PCNX1: variants seen among roughly 807,000 people sequenced by gnomAD.
PCNX1 encodes the protein pecanex 1.
Under a neutral mutation model 242.2 loss-of-function variants are expected in PCNX1, and 78 were observed. The observed-to-expected ratio is 0.32, with a 90% CI of 0.27 to 0.39. The LOEUF (loss-of-function observed/expected upper bound fraction) is 0.39, where lower values mean the gene tolerates loss of function less well. PCNX1 is among the 10% of genes least tolerant of loss of function. PCNX1 has a pLI of 1.00. For synonymous variants in PCNX1, 1,024 were observed against 1,032.9 expected (o/e 0.99, Z 0.17); for missense variants, 2,581 against 2,856.5 (o/e 0.90, Z 2.20).
chr14:71,031,308 A>G (rs17108917), intron 16 of PCNX1, among the ~76,000 whole-genome samples: 10,677 of 152,244 alleles, frequency 0.07, 495 homozygotes, highest in East Asian at 0.27. Flanking sequence ...CCTTCCTAGC[A>G]CTTGGTGTGG....
intron 8 of PCNX1, among the ~76,000 whole-genome samples, chr14:71,002,442 A>G (rs1304960021): frequency 1.3e-5 from 2 of 152,198 alleles, no homozygotes; most frequent in African/African-American, 4.8e-5. Flanking sequence ...ACAGATGTGT[A>G]TACCCGTCAG....
At chr14:71,050,801 A>G in intron 23 of PCNX1, 41 bp downstream of exon 23, 1 of 1,568,380 alleles carries the variant, frequency 6.4e-7, no homozygotes, top group Non-Finnish European at 8.7e-7. Flanking sequence ...GGACAGTCAT[A>G]TCCTAGATAA....
intron 1 of PCNX1, among the ~76,000 whole-genome samples, chr14:70,935,973 T>C (rs1208274297): frequency 6.6e-6 from 1 of 152,196 alleles, no homozygotes; most frequent in Admixed American, 6.5e-5. Context: ...TTAAATTCTC[T>C]GAGATGTATA....
At chr14:71,014,240 A>G (rs2059899799) in intron 11 of PCNX1, among the ~76,000 whole-genome samples, 1 of 152,216 alleles carries the variant, frequency 6.6e-6, no homozygotes, top group African/African-American at 2.4e-5. Context: ...CCTAACAAGT[A>G]ATAAAACCAA....
At chr14:71,038,910 A>G (rs992160759) in intron 19 of PCNX1, among the ~76,000 whole-genome samples, 111 of 151,588 alleles carry the variant, frequency 7.3e-4, no homozygotes, top group African/African-American at 2.6e-3. Context: ...TGATGAGTTC[A>G]TGTCCTTTGT....
intron 28 of PCNX1, chr14:71,085,711 A>G: frequency 8.6e-6 from 2 of 233,532 alleles, no homozygotes; most frequent in East Asian, 1.1e-4. Context: ...CTACTTTTGG[A>G]TAGGTGTCAT....
chr14:71,104,982 G>A (rs2062570932), intron 32 of PCNX1, among the ~76,000 whole-genome samples: 1 of 152,110 alleles, frequency 6.6e-6, no homozygotes, highest in Non-Finnish European at 1.5e-5. Flanking sequence ...GTTATATACA[G>A]TTCTTTATTA....
At chr14:71,073,884 CT>C (rs1038839550) in intron 27 of PCNX1, 86 bp downstream of exon 27, 156 of 927,880 alleles carry the variant, frequency 1.7e-4, no homozygotes, top group Middle Eastern at 3.8e-4. Context: ...TATGTATATA[CT>C]TTTTTTTAAC....
chr14:71,051,590 A>T (rs1217548540), intron 23 of PCNX1, among the ~76,000 whole-genome samples: 1 of 152,180 alleles, frequency 6.6e-6, no homozygotes, highest in Non-Finnish European at 1.5e-5. Context: ...CCCTTGTGGA[A>T]AATTGAACTC....
chr14:71,107,465 G>A (rs559430554), intron 33 of PCNX1, among the ~76,000 whole-genome samples: 5 of 152,130 alleles, frequency 3.3e-5, no homozygotes, highest in Admixed American at 2.6e-4. Flanking sequence ...AAAACTTTCA[G>A]TGTTCTTTAA....
chr14:70,936,191 C>T (rs141341688), intron 1 of PCNX1, among the ~76,000 whole-genome samples: 5,268 of 152,044 alleles, frequency 0.035, 284 homozygotes, highest in African/African-American at 0.12. Context: ...GCAGCTTTGT[C>T]ACATATGTAT....
intron 1 of PCNX1, among the ~76,000 whole-genome samples, chr14:70,911,833 G>C (rs752905646): frequency 6.6e-6 from 1 of 152,130 alleles, no homozygotes; most frequent in Non-Finnish European, 1.5e-5. Flanking sequence ...CTATAATGCT[G>C]TATGACTGTA....
At chr14:71,096,689 T>G (rs2062292882) in intron 30 of PCNX1, among the ~76,000 whole-genome samples, 1 of 152,130 alleles carries the variant, frequency 6.6e-6, no homozygotes, top group Admixed American at 6.6e-5. Context: ...TGGTGTATGA[T>G]ATACAGAAGT....
chr14:71,108,056 C>A (rs2062672263), intron 33 of PCNX1, among the ~76,000 whole-genome samples: 1 of 152,158 alleles, frequency 6.6e-6, no homozygotes, highest in Admixed American at 6.5e-5. Flanking sequence ...AGAGCTTGTT[C>A]CTCTTGACTC....
chr14:71,082,429 C>G (rs529762987), intron 28 of PCNX1, among the ~76,000 whole-genome samples: 5 of 151,964 alleles, frequency 3.3e-5, no homozygotes, highest in Non-Finnish European at 7.4e-5. Flanking sequence ...TTTTCTATCT[C>G]GCTGATCTAA....
rs556068815 is a variant in PCNX1 at position 70,982,834 on chromosome 14, C to T, written c.2311+4186C>T. Among the ~76,000 whole-genome samples the T allele has an allele frequency of 1.2e-4, 19 of 152,290 alleles. No homozygotes were observed. In the South Asian group the frequency reaches 3.3e-3, roughly 27 times the overall value. ...CAACGGTTACATTTTCATACCACCT[C>T]TAATTACTGTCTTAATATTCTGGCA... On this transcript the variant is annotated intron_variant, in intron 6 of 35. Coordinates refer to ENST00000304743, the MANE Select transcript of PCNX1 (RefSeq NM_014982.3).
chr14:70,991,065 A>C (rs1334081250), intron 7 of PCNX1, among the ~76,000 whole-genome samples: 1 of 152,054 alleles, frequency 6.6e-6, no homozygotes, highest in Non-Finnish European at 1.5e-5. Flanking sequence ...CAGACAAATT[A>C]GTTTTTTGTC....
At chr14:71,041,413 A>G (rs1364883853) in intron 19 of PCNX1, among the ~76,000 whole-genome samples, 2 of 151,772 alleles carry the variant, frequency 1.3e-5, no homozygotes, top group African/African-American at 2.4e-5. Flanking sequence ...GGATTTCTTC[A>G]TTTTTCAATC....
chr14:71,011,210 C>G (rs1467001269), intron 9 of PCNX1, among the ~76,000 whole-genome samples: 1 of 152,100 alleles, frequency 6.6e-6, no homozygotes, highest in Non-Finnish European at 1.5e-5. Context: ...TAAACACTTT[C>G]ACAAGAACCT....
Sources: allele counts gnomAD v4.1 joint callset (sites outside exome capture counted in the v4.1 genomes callset), GRCh38; gene constraint gnomAD v4.1.1; transcripts MANE v1.5; gene names NCBI Gene and HGNC (gene_info 2026-07-23, HGNC 2026-07-21).